The following COQ7 variants were observed in gnomAD, a reference collection of about 807,000 sequenced individuals.
COQ7 encodes the protein coenzyme Q7, hydroxylase, also known as NADPH-dependent 3-demethoxyubiquinone 3-hydroxylase, mitochondrial.
A neutral mutation model predicts 25.0 loss-of-function variants in COQ7; 21 were observed. The ratio of observed to expected loss-of-function variants is 0.84; its 90% CI spans 0.60 to 1.21. The LOEUF is 1.21. Ranked by LOEUF, COQ7 falls within the 50% of genes most tolerant of loss-of-function variation. The pLI is 0.00. For missense variants in COQ7, 311 were observed against 296.2 expected (o/e 1.05, Z -0.37); for synonymous variants, 125 against 112.4 (o/e 1.11, Z -0.71).
chr16:19,082,662 C>A (rs772993620), downstream of COQ7, among the ~76,000 whole-genome samples: 2 of 151,676 alleles, frequency 1.3e-5, no homozygotes, highest in Non-Finnish European at 2.9e-5. Flanking sequence ...CAGCTACTCA[C>A]GAGCTGAGGC....
At chr16:19,077,216 C>A in intron 4 of COQ7, 90 bp from the exon 5 acceptor site, 2 of 1,135,178 alleles carry the variant, frequency 1.8e-6, no homozygotes, top group Non-Finnish European at 2.7e-6. Context: ...CTGTCTTAGG[C>A]CATAATAAGA....
intron 4 of COQ7, among the ~76,000 whole-genome samples, chr16:19,076,135 G>A (rs1267665493): frequency 2.0e-5 from 3 of 152,028 alleles, no homozygotes; most frequent in Non-Finnish European, 1.5e-5. Flanking sequence ...TGCCCAGGCC[G>A]GAGTACAGTG....
rs1962793689 is a variant in COQ7 at position 19,075,638 on chromosome 16, G to T, written c.368-83G>T. The T allele has an allele frequency of 2.7e-6, 4 of 1,463,762 alleles. No homozygotes were observed. The South Asian group carries it at 4.1e-5, about 15-fold the overall frequency. 90.7% of individuals were successfully genotyped at this position (1,463,762 alleles called of 1,614,324 possible). A position where few individuals can be genotyped will look rare whatever the true frequency, so the allele number is the denominator to read the frequency against. On this transcript the variant is annotated intron_variant, in intron 3 of 5. Transcript: ENST00000321998. ...ACCCGGCCCGATGTCTGGTGCAGAGGTTAAGAAGCCCTGGCCACAGATGGT... is the reference window on the plus strand; with the variant it reads ...ACCCGGCCCGATGTCTGGTGCAGAGTTTAAGAAGCCCTGGCCACAGATGGT...
At chr16:19,070,878 ACTC>A (rs1237079720) in intron 1 of COQ7, among the ~76,000 whole-genome samples, 2 of 152,018 alleles carry the variant, frequency 1.3e-5, no homozygotes, top group South Asian at 2.1e-4. Context: ...ATGCTGCAAA[ACTC>A]CTCTCTGGCA....
Position 19,073,961 on chromosome 16 carries a change from A to T in COQ7, c.293A>T (p.Asn98Ile), listed in dbSNP as rs184471591. Reference protein sequence around the residue: ...DQEKDHLKKFNELMVTFRVRP... With the variant: ...DQEKDHLKKFIELMVTFRVRP... ...GAAAAGGACCATTTGAAAAAGTTCA[A>T]TGAGTTGATGGTTACGTTCAGGGTC... Residue 98 changes from asparagine (N) to isoleucine (I), a missense_variant, in exon 3 of 6, where the codon AAT (asparagine) becomes ATT (isoleucine). Transcript: ENST00000321998. 5 of 1,613,866 alleles carry T rather than the reference A, an allele frequency of 3.1e-6. No individual in the cohort carries two copies. Among genetic ancestry groups the T allele is most frequent in the Non-Finnish European group, 4.2e-6 (5 of 1,179,950 alleles).
intron 1 of COQ7, chr16:19,068,520 C>T (rs939807976): frequency 8.3e-6 from 3 of 360,998 alleles, no homozygotes; most frequent in Non-Finnish European, 1.2e-5. Context: ...GGCGTGATGG[C>T]AGGTGCCTGT....
At chr16:19,069,695 G>A (rs1257168933) in intron 1 of COQ7, among the ~76,000 whole-genome samples, 2 of 152,042 alleles carry the variant, frequency 1.3e-5, no homozygotes, top group African/African-American at 4.8e-5. Context: ...ACAGGCGTGA[G>A]TCGCCGCACC....
chr16:19,082,178 G>A (rs778153034), downstream of COQ7, among the ~76,000 whole-genome samples: 3 of 152,190 alleles, frequency 2.0e-5, no homozygotes, highest in Non-Finnish European at 2.9e-5. Flanking sequence ...AAGGAATAAA[G>A]TAGTGATACA....
intron 3 of COQ7, 95 bp from the exon 4 acceptor site, chr16:19,075,626 T>G: frequency 1.5e-6 from 2 of 1,370,992 alleles, no homozygotes; most frequent in Non-Finnish European, 2.0e-6. Flanking sequence ...CGGCCCGATG[T>G]CTGGTGCAGA....
chr16:19,072,402 C>T (rs780532349), intron 2 of COQ7: 6 of 358,100 alleles, frequency 1.7e-5, no homozygotes, highest in Non-Finnish European at 3.1e-5. Flanking sequence ...GCACAGCAGT[C>T]AACTGTGCTG....
Position 19,075,791 on chromosome 16 carries a change from A to G in COQ7, c.438A>G (p.Ala146=). 1 of 1,613,732 alleles carries G rather than the reference A, an allele frequency of 6.2e-7. No homozygotes were observed. Among genetic ancestry groups the G allele is most frequent in the Non-Finnish European group, 8.5e-7 (1 of 1,179,768 alleles). Residue 146 remains alanine, a synonymous_variant, in exon 4 of 6, where the codon GCA becomes GCG. Coordinates refer to ENST00000321998, the MANE Select transcript of COQ7 (RefSeq NM_016138.5). The part of the protein sequence containing the change: ...ACTVAVEESI[A]HHYNNQIRTL... ...CCGTGGCGGTGGAAGAGAGCATAGC[A>G]CATCACTACAACAACCAGATCAGGA... is the stretch of plus-strand genomic sequence containing the variant.
chr16:19,081,800 C>A (rs1963104086), downstream of COQ7, among the ~76,000 whole-genome samples: 2 of 152,138 alleles, frequency 1.3e-5, no homozygotes, highest in South Asian at 4.1e-4. Flanking sequence ...TCATTAAATT[C>A]TAGTTTTATT....
chr16:19,081,418 A>G (rs1309263663), downstream of COQ7, among the ~76,000 whole-genome samples: 1 of 151,578 alleles, frequency 6.6e-6, no homozygotes, highest in East Asian at 1.9e-4. Context: ...CTGGCCTCAT[A>G]CCTTGTCTAC....
At chr16:19,072,786 T>C (rs954271218) in intron 2 of COQ7, among the ~76,000 whole-genome samples, 1 of 152,238 alleles carries the variant, frequency 6.6e-6, no homozygotes, top group Non-Finnish European at 1.5e-5. Flanking sequence ...AATGAATTGC[T>C]TGCATGAAGC....
Position 19,073,930 on chromosome 16 carries a change from G to C in COQ7, c.262G>C (p.Asp88His). Reference sequence around the variant, plus strand: ...TTTATGTTTCTTGCAGAAAATGTGGGATCAAGAAAAGGACCATTTGAAAAA... The same window carrying C: ...TTTATGTTTCTTGCAGAAAATGTGGCATCAAGAAAAGGACCATTTGAAAAA... ...SVGPVIQKMW[D>H]QEKDHLKKFN... Residue 88 changes from aspartate (D) to histidine (H), a missense_variant, in exon 3 of 6, where the codon GAT (aspartate) becomes CAT (histidine). Transcript: ENST00000321998. The C allele has an allele frequency of 1.2e-6, 2 of 1,612,918 alleles. No individual in the cohort carries two copies. The highest frequency in any genetic ancestry group is 8.5e-7 in the Non-Finnish European group (1 of 1,179,118).
In COQ7 at chr16:19,067,711, G is replaced by A. The variant is rs1371575608; in HGVS notation, c.47G>A (p.Arg16His). The change falls in exon 1 of 6, where the codon CGC (arginine) becomes CAC (histidine). Residue 16 changes from arginine (R) to histidine (H), a missense_variant. Transcript: ENST00000321998. ...AAAAPRLWRL[R>H]PGARRSLSAY... ...GCGGCTCCCCGCCTTTGGCGGCTGC[G>A]CCCGGGGGCCCGGCGGTCCCTCTCA... is the stretch of plus-strand genomic sequence containing the variant. 6.2e-7 allele frequency: 1 copy of A among 1,606,594 alleles called. No homozygotes were observed. Among genetic ancestry groups the A allele is most frequent in the African/African-American group, 1.3e-5 (1 of 74,718 alleles).
At chr16:19,074,524 CAAA>C (rs921126513) in intron 3 of COQ7, among the ~76,000 whole-genome samples, 10 of 148,644 alleles carry the variant, frequency 6.7e-5, no homozygotes, top group Non-Finnish European at 1.3e-4. Flanking sequence ...CACTCTGTCT[CAAA>C]AAAAAACCAA....
At chr16:19,081,270 A>G (rs1567544612), downstream of COQ7, among the ~76,000 whole-genome samples, 1 of 152,252 alleles carries the variant, frequency 6.6e-6, no homozygotes, top group Non-Finnish European at 1.5e-5. Flanking sequence ...AGTTATTTGC[A>G]TAAGTGCAAC....
chr16:19,075,768 G>A lies in COQ7; in HGVS notation c.415G>A (p.Val139Met), dbSNP rs375432720. 1.4e-5 allele frequency: 23 copies of A among 1,609,822 alleles called. No individual in the cohort carries two copies. Among genetic ancestry groups the A allele is most frequent in the East Asian group, 4.5e-5 (2 of 44,788 alleles). Residue 139 changes from valine (V) to methionine (M), a missense_variant, in exon 4 of 6, where the codon GTG (valine) becomes ATG (methionine). Val to Met is a conservative substitution (Grantham distance 21). Coordinates refer to ENST00000321998, the MANE Select transcript of COQ7 (RefSeq NM_016138.5). ...LGKEGAMACT[V>M]AVEESIAHHY... The stretch of plus-strand genomic sequence containing the variant: ...GAAGGAAGGTGCCATGGCCTGCACC[G>A]TGGCGGTGGAAGAGAGCATAGCACA...
Sources: gnomAD v4.1 joint callset for allele counts (sites outside exome capture counted in the v4.1 genomes callset) on GRCh38, gnomAD v4.1.1 for gene constraint, MANE v1.5 for transcripts, NCBI Gene and HGNC (gene_info 2026-07-23, HGNC 2026-07-21) for gene names.